GSE1: variants seen among roughly 807,000 people sequenced by gnomAD.
GSE1 encodes Gse1 coiled-coil protein.
A neutral mutation model predicts 112.6 loss-of-function variants in GSE1; 32 were observed. The observed-to-expected ratio is 0.28, with a 90% CI of 0.21 to 0.38. The LOEUF (loss-of-function observed/expected upper bound fraction) is 0.38, where lower values mean the gene tolerates loss of function less well. Ranked by LOEUF, GSE1 falls within the 10% of genes least tolerant of loss-of-function variation. The pLI is 1.00. For missense variants in GSE1, 2,348 were observed against 1,699.2 expected, an observed-to-expected ratio of 1.38 and a Z score of -6.71; for synonymous variants, 1,115 against 735.6, an observed-to-expected ratio of 1.52 and a Z score of -8.35.
intron 2 of GSE1, among the ~76,000 whole-genome samples, chr16:85,525,974 T>A (rs980713981): frequency 3.9e-5 from 6 of 152,172 alleles, no homozygotes; most frequent in African/African-American, 1.4e-4. Flanking sequence ...GCATTGACTC[T>A]GCCGGGGTAG....
At chr16:85,640,424 C>T (rs1290362449) in intron 2 of GSE1, among the ~76,000 whole-genome samples, 1 of 152,246 alleles carries the variant, frequency 6.6e-6, no homozygotes, top group African/African-American at 2.4e-5. Context: ...TGGAACTGCT[C>T]TCTTGTCATC....
intron 1 of GSE1, among the ~76,000 whole-genome samples, chr16:85,588,000 C>T (rs2046787539): frequency 6.6e-6 from 1 of 152,190 alleles, no homozygotes; most frequent in South Asian, 2.1e-4. Flanking sequence ...GGTCACCTGG[C>T]TGTCACCGTC....
intron 2 of GSE1, among the ~76,000 whole-genome samples, chr16:85,416,044 G>A (rs772347975): frequency 6.6e-6 from 1 of 152,060 alleles, no homozygotes; most frequent in African/African-American, 2.4e-5. Flanking sequence ...TGCAACTATC[G>A]TCTAATTTTA....
chr16:85,542,536 G>A (rs1417726773), intron 2 of GSE1, among the ~76,000 whole-genome samples: 1 of 152,240 alleles, frequency 6.6e-6, no homozygotes, highest in Non-Finnish European at 1.5e-5. Flanking sequence ...ACCTCCCAAT[G>A]AAGAGCTGAA....
intron 2 of GSE1, among the ~76,000 whole-genome samples, chr16:85,404,687 C>A (rs1597623517): frequency 3.6e-5 from 2 of 55,160 alleles, no homozygotes; most frequent in Non-Finnish European, 6.3e-5. Flanking sequence ...CACTGTTACA[C>A]TCAGGCCCCC....
At chr16:85,557,466 T>G (rs965359833) in intron 1 of GSE1, among the ~76,000 whole-genome samples, 9 of 152,002 alleles carry the variant, frequency 5.9e-5, no homozygotes, top group African/African-American at 2.2e-4. Context: ...AGTTTTCCCA[T>G]GTTGAGGCTT....
At chr16:85,258,544 C>T (rs866702922) in intron 1 of GSE1, among the ~76,000 whole-genome samples, 16 of 152,226 alleles carry the variant, frequency 1.1e-4, no homozygotes, top group Admixed American at 7.2e-4. Context: ...CACCCCTTCC[C>T]GCCTGCCCTC....
chr16:85,312,204 CG>C (rs35882426), intron 1 of GSE1, among the ~76,000 whole-genome samples: 2,778 of 55,436 alleles, frequency 0.05, 169 homozygotes, highest in African/African-American at 0.082. Flanking sequence ...GATCCTCTTG[CG>C]GGGGGGGGGG....
intron 1 of GSE1, among the ~76,000 whole-genome samples, chr16:85,260,325 T>TTTC (rs1907551911): frequency 7.4e-6 from 1 of 134,816 alleles, no homozygotes; most frequent in African/African-American, 2.8e-5. Context: ...TTTTCTTTTT[T>TTTC]TTTTTTTTTT....
chr16:85,615,131 A>G (rs1160620910), intron 1 of GSE1, among the ~76,000 whole-genome samples: 3 of 152,078 alleles, frequency 2.0e-5, no homozygotes, highest in East Asian at 1.9e-4. Flanking sequence ...AGTGTTGCTC[A>G]CCCTGTGTTT....
At chr16:85,605,859 A>C (rs1017152414) in intron 1 of GSE1, among the ~76,000 whole-genome samples, 5 of 151,652 alleles carry the variant, frequency 3.3e-5, no homozygotes, top group Non-Finnish European at 7.4e-5. Context: ...GGCTGGGCTC[A>C]TGGGCGGCCC....
At chr16:85,567,168 C>G (rs1371955739) in intron 1 of GSE1, among the ~76,000 whole-genome samples, 2 of 151,642 alleles carry the variant, frequency 1.3e-5, no homozygotes, top group Non-Finnish European at 2.9e-5. Context: ...GCCGGCCTGT[C>G]GGTGGGCAGG....
At chr16:85,209,315 G>C (rs1170199036) in intron 1 of GSE1, among the ~76,000 whole-genome samples, 1 of 152,116 alleles carries the variant, frequency 6.6e-6, no homozygotes, top group African/African-American at 2.4e-5. Flanking sequence ...TGTCATAGCT[G>C]GCCAGGGCAA....
At chr16:85,250,272 C>G (rs1052938370) in intron 1 of GSE1, among the ~76,000 whole-genome samples, 1 of 152,240 alleles carries the variant, frequency 6.6e-6, no homozygotes, top group African/African-American at 2.4e-5. Context: ...GCAAAGGGTC[C>G]TGGGTTCCCG....
chr16:85,649,346 A>G (rs1316375067), intron 3 of GSE1, among the ~76,000 whole-genome samples: 2 of 152,222 alleles, frequency 1.3e-5, no homozygotes, highest in African/African-American at 2.4e-5. Flanking sequence ...CACCCGGCAC[A>G]CTAGCTGTGA....
At chr16:85,671,434 C>A (rs1482040335) in intron 15 of GSE1, among the ~76,000 whole-genome samples, 1 of 23,024 alleles carries the variant, frequency 4.3e-5, no homozygotes, top group African/African-American at 1.3e-4. Context: ...AGCGAGACTC[C>A]GTCTCAAAAA....
intron 2 of GSE1, among the ~76,000 whole-genome samples, chr16:85,535,582 G>T (rs1345907478): frequency 6.6e-6 from 1 of 152,214 alleles, no homozygotes; most frequent in Non-Finnish European, 1.5e-5. Flanking sequence ...GGCCCTCTGG[G>T]TGTGACAGTT....
At chr16:85,176,598 G>A (rs897853069) in intron 1 of GSE1, among the ~76,000 whole-genome samples, 5 of 152,266 alleles carry the variant, frequency 3.3e-5, no homozygotes, top group East Asian at 3.8e-4. Flanking sequence ...GTTGGCGGGC[G>A]GGCCGCGCTT....
At chr16:85,625,257 A>G (rs575424141) in intron 1 of GSE1, among the ~76,000 whole-genome samples, 1 of 152,242 alleles carries the variant, frequency 6.6e-6, no homozygotes, top group East Asian at 1.9e-4. Flanking sequence ...GCCGCTTAGG[A>G]TAATCGCGTC....
Sources: gnomAD v4.1 joint callset for allele counts (sites outside exome capture counted in the v4.1 genomes callset) on GRCh38, gnomAD v4.1.1 for gene constraint, MANE v1.5 for transcripts, NCBI Gene and HGNC (gene_info 2026-07-23, HGNC 2026-07-21) for gene names.